UNC5D: variants seen among roughly 807,000 people sequenced by gnomAD.
The protein encoded by UNC5D is netrin receptor UNC5D.
A neutral mutation model predicts 105.4 loss-of-function variants in UNC5D; 39 were observed. That is an observed-to-expected ratio of 0.37 (90% CI 0.29 to 0.48). The LOEUF is 0.48. Ranked by LOEUF, UNC5D falls within the 20% of genes least tolerant of loss-of-function variation. The pLI is 0.98. For missense variants in UNC5D, 991 were observed against 1,202.4 expected (o/e 0.82, Z 2.60); for synonymous variants, 452 against 450.4 (o/e 1.00, Z -0.04).
chr8:35,249,693 C>T (rs372445348), intron 1 of UNC5D, among the ~76,000 whole-genome samples: 6 of 152,064 alleles, frequency 3.9e-5, no homozygotes, highest in Non-Finnish European at 7.4e-5. Flanking sequence ...ACCATAATAA[C>T]GTGCAAAAAG....
intron 1 of UNC5D, among the ~76,000 whole-genome samples, chr8:35,252,450 ATG>A (rs1183156997): frequency 5.9e-5 from 9 of 152,270 alleles, no homozygotes; most frequent in African/African-American, 2.2e-4. Flanking sequence ...TTAAACAAAT[ATG>A]TGTGTACTCC....
At chr8:35,690,903 C>T (rs16884235) in intron 7 of UNC5D, among the ~76,000 whole-genome samples, 4,231 of 152,294 alleles carry the variant, frequency 0.028, 168 homozygotes, top group Admixed American at 0.098. Context: ...TGACACTCAA[C>T]ATGACCCTAA....
chr8:35,724,681 C>T (rs569347895), intron 9 of UNC5D, among the ~76,000 whole-genome samples: 5 of 152,296 alleles, frequency 3.3e-5, no homozygotes, highest in South Asian at 2.1e-4. Flanking sequence ...ATCTTCTAAG[C>T]GTAGCCAAAA....
intron 3 of UNC5D, among the ~76,000 whole-genome samples, chr8:35,571,252 T>G (rs1817698988): frequency 6.6e-6 from 1 of 152,214 alleles, no homozygotes; most frequent in Admixed American, 6.5e-5. Flanking sequence ...AACTATTTTG[T>G]CACTCTTCTG....
In UNC5D at chr8:35,549,599, C is replaced by T; in HGVS notation, c.322+89C>T. 4.7e-6 allele frequency: 6 copies of T among 1,269,104 alleles called. No individual in the cohort carries two copies. In the South Asian group the frequency reaches 7.0e-5, roughly 15 times the overall value. 78.6% of individuals were successfully genotyped at this position (1,269,104 alleles called of 1,614,324 possible). A position where few individuals can be genotyped will look rare whatever the true frequency, so the allele number is the denominator to read the frequency against. On this transcript the variant is annotated intron_variant, in intron 2 of 16. Coordinates refer to ENST00000404895, the MANE Select transcript of UNC5D (RefSeq NM_080872.4). ...TCTGGGAAAGACTGGAAATCACCCC[C>T]CATTGCCTTGTGTGAATGAGGTCAT...
intron 11 of UNC5D, among the ~76,000 whole-genome samples, chr8:35,731,648 C>T (rs1029635296): frequency 2.0e-5 from 3 of 152,100 alleles, no homozygotes; most frequent in African/African-American, 7.2e-5. Flanking sequence ...AACAGTGAAT[C>T]GTTAGGTCAG....
chr8:35,327,227 G>A (rs1245721097), intron 1 of UNC5D, among the ~76,000 whole-genome samples: 3 of 152,156 alleles, frequency 2.0e-5, no homozygotes, highest in African/African-American at 7.2e-5. Flanking sequence ...ATATTTCAGT[G>A]ATGAGCATAC....
intron 13 of UNC5D, among the ~76,000 whole-genome samples, chr8:35,754,573 G>T (rs1360289931): frequency 1.3e-5 from 2 of 152,168 alleles, no homozygotes; most frequent in African/African-American, 4.8e-5. Context: ...CTTGCAAGAA[G>T]GAACGTGTAG....
intron 13 of UNC5D, among the ~76,000 whole-genome samples, chr8:35,754,630 A>G (rs1830432666): frequency 1.3e-5 from 2 of 152,160 alleles, no homozygotes; most frequent in African/African-American, 4.8e-5. Context: ...GGACCAGGCA[A>G]TATAATGGGC....
At chr8:35,548,767 C>T (rs901258927) in intron 1 of UNC5D, among the ~76,000 whole-genome samples, 3 of 152,170 alleles carry the variant, frequency 2.0e-5, no homozygotes, top group Non-Finnish European at 2.9e-5. Context: ...AGATCCAAGA[C>T]GATTGCCAGA....
chr8:35,302,577 T>C (rs553763268), intron 1 of UNC5D, among the ~76,000 whole-genome samples: 2 of 152,308 alleles, frequency 1.3e-5, no homozygotes, highest in East Asian at 3.9e-4. Context: ...AGAGTAGGGA[T>C]TTTGACTGGA....
At position 35,440,079 on chromosome 8, in the gene UNC5D, A is replaced by G. The variant is rs114422089; in HGVS notation, c.104-109213A>G. Among the ~76,000 whole-genome samples the G allele has an allele frequency of 5.2e-3, 797 of 152,118 alleles. 7 individuals are homozygous for G. The highest frequency in any genetic ancestry group is 0.018 in the African/African-American group (747 of 41,528). ...TAATCCTCAATGTTTTGTTTACCAT[A>G]CTGTCCTCAAGTTCAACTCTATCAC... On this transcript the variant is annotated intron_variant, in intron 1 of 16. Transcript: ENST00000404895.
At chr8:35,450,939 TGGTA>T (rs1808107110) in intron 1 of UNC5D, among the ~76,000 whole-genome samples, 1 of 152,174 alleles carries the variant, frequency 6.6e-6, no homozygotes, top group Admixed American at 6.6e-5. Flanking sequence ...TTATGATATT[TGGTA>T]GGTTAGGTAT....
chr8:35,372,146 C>T (rs563868509), intron 1 of UNC5D, among the ~76,000 whole-genome samples: 12 of 151,992 alleles, frequency 7.9e-5, no homozygotes, highest in African/African-American at 1.7e-4. Flanking sequence ...TTTTTTGAGA[C>T]GGAGTCTTAC....
chr8:35,294,373 C>G (rs1357481766), intron 1 of UNC5D, among the ~76,000 whole-genome samples: 1 of 152,092 alleles, frequency 6.6e-6, no homozygotes, highest in South Asian at 2.1e-4. Flanking sequence ...TTCTTAATGG[C>G]ATCTAGATGC....
intron 1 of UNC5D, among the ~76,000 whole-genome samples, chr8:35,342,367 A>T (rs1811514935): frequency 6.6e-6 from 1 of 152,070 alleles, no homozygotes; most frequent in Admixed American, 6.6e-5. Flanking sequence ...ATTGCTTGTC[A>T]TGTTACCTTC....
At chr8:35,346,655 A>G (rs898947439) in intron 1 of UNC5D, among the ~76,000 whole-genome samples, 4 of 152,012 alleles carry the variant, frequency 2.6e-5, no homozygotes, top group African/African-American at 9.7e-5. Context: ...ATGTTCAGCT[A>G]TGTAATATTT....
intron 3 of UNC5D, among the ~76,000 whole-genome samples, chr8:35,583,819 A>C (rs562670758): frequency 6.6e-6 from 1 of 152,368 alleles, no homozygotes; most frequent in Non-Finnish European, 1.5e-5. Flanking sequence ...GTATTGACAC[A>C]ACCAAATCAA....
intron 1 of UNC5D, among the ~76,000 whole-genome samples, chr8:35,475,017 C>T (rs1246235827): frequency 6.6e-6 from 1 of 152,148 alleles, no homozygotes; most frequent in Non-Finnish European, 1.5e-5. Context: ...GGGTTGATTT[C>T]AGTGGTTCTC....
Sources: gnomAD v4.1 joint callset for allele counts (sites outside exome capture counted in the v4.1 genomes callset) on GRCh38, gnomAD v4.1.1 for gene constraint, MANE v1.5 for transcripts, NCBI Gene and HGNC (gene_info 2026-07-23, HGNC 2026-07-21) for gene names.